MICAL2: variants seen among roughly 807,000 people sequenced by gnomAD.
MICAL2 encodes the protein microtubule associated monooxygenase, calponin and LIM domain containing 2.
Under a neutral mutation model 127.3 loss-of-function variants are expected in MICAL2, and 77 were observed. That is an observed-to-expected ratio of 0.60 (90% confidence interval 0.50 to 0.73). The LOEUF (loss-of-function observed/expected upper bound fraction) is 0.73. Among genes scored for constraint, MICAL2 ranks in the 30% least tolerant of loss-of-function variants. The pLI is 0.00. For synonymous variants in MICAL2, 570 were observed against 551.1 expected, an observed-to-expected ratio of 1.03 and a Z score of -0.48; for missense variants, 1,351 against 1,434.4, an observed-to-expected ratio of 0.94 and a Z score of 0.94.
chr11:12,349,846 ACACAGGATGAAG>A, exon 33 of MICAL2: 1 of 1,614,126 alleles, frequency 6.2e-7, no homozygotes, highest in Non-Finnish European at 8.5e-7. Flanking sequence ...AGATTCAGGC[ACACAGGATGAAG>A]CACAGCTTTT....
intron 32 of MICAL2, among the ~76,000 whole-genome samples, chr11:12,341,161 C>T (rs935766031): frequency 4.6e-5 from 7 of 152,092 alleles, no homozygotes; most frequent in South Asian, 2.1e-4. Flanking sequence ...AGACAGGGAC[C>T]GAAACCCAGC....
intron 13 of MICAL2, among the ~76,000 whole-genome samples, chr11:12,225,327 G>A (rs1405907951): frequency 6.6e-6 from 1 of 152,204 alleles, no homozygotes; most frequent in East Asian, 1.9e-4. Context: ...GGTTATGTTT[G>A]AGGAAACACT....
intron 31 of MICAL2, among the ~76,000 whole-genome samples, chr11:12,326,114 A>G (rs1864350937): frequency 6.6e-6 from 1 of 152,072 alleles, no homozygotes; most frequent in Non-Finnish European, 1.5e-5. Context: ...CCAGGATTGG[A>G]GGGGCCTCGG....
chr11:12,260,104 G>A (rs900856631), intron 26 of MICAL2: 10 of 1,536,178 alleles, frequency 6.5e-6, no homozygotes, highest in Non-Finnish European at 7.8e-6. Context: ...CATGTACAGG[G>A]AATCTGAGGG....
intron 3 of MICAL2, among the ~76,000 whole-genome samples, chr11:12,192,170 T>C (rs1439253311): frequency 9.3e-6 from 1 of 107,804 alleles, no homozygotes; most frequent in African/African-American, 3.8e-5. Flanking sequence ...TGGCCCTTTA[T>C]AGAAAAAAAT....
intron 3 of MICAL2, among the ~76,000 whole-genome samples, chr11:12,168,198 TAC>T (rs1413877990): frequency 2.1e-5 from 3 of 145,276 alleles, no homozygotes; most frequent in Non-Finnish European, 3.0e-5. Flanking sequence ...TACATACACA[TAC>T]AGTTAGTCAC....
At chr11:12,134,192 GC>G (rs1851652922) in intron 1 of MICAL2, among the ~76,000 whole-genome samples, 1 of 152,192 alleles carries the variant, frequency 6.6e-6, no homozygotes, top group Non-Finnish European at 1.5e-5. Context: ...GACCACCAGT[GC>G]ATGGCACATT....
chr11:12,312,032 A>AT (rs1477884420), intron 29 of MICAL2, among the ~76,000 whole-genome samples: 3 of 151,176 alleles, frequency 2.0e-5, no homozygotes, highest in Non-Finnish European at 3.0e-5. Flanking sequence ...ATAAAAACAA[A>AT]TTTTTAAAAT....
intron 2 of MICAL2, among the ~76,000 whole-genome samples, chr11:12,156,638 G>A (rs1273497611): frequency 1.3e-5 from 2 of 152,204 alleles, no homozygotes; most frequent in African/African-American, 2.4e-5. Context: ...TGCCCTGGTA[G>A]GTGGAAAGCC....
chr11:12,220,331 A>G lies in MICAL2; in HGVS notation c.1079A>G (p.His360Arg), dbSNP rs1856670649. Residue 360 changes from histidine to arginine, a missense_variant, in exon 9 of 28, where the codon CAC becomes CGC. Coordinates refer to ENST00000683283, the MANE Select transcript of MICAL2 (RefSeq NM_001282663.2). ...CCATCCTTAGACTTTGCCATGAACC[A>G]CTATGGGCAGCCTGATGTGGCCATG... ...QLPSLDFAMN[H>R]YGQPDVAMFD... The G allele has an allele frequency of 1.9e-6, 3 of 1,614,068 alleles. No homozygotes were observed. The highest frequency in any genetic ancestry group is 2.5e-6 in the Non-Finnish European group (3 of 1,180,020).
downstream of MICAL2, among the ~76,000 whole-genome samples, chr11:12,267,742 C>T (rs1863626047): frequency 6.6e-6 from 1 of 152,208 alleles, no homozygotes; most frequent in South Asian, 2.1e-4. Flanking sequence ...GCTGAGACTA[C>T]AGGCACCCGC....
chr11:12,222,805 G>T, intron 11 of MICAL2, 62 bp downstream of exon 11: 2 of 1,594,132 alleles, frequency 1.3e-6, no homozygotes, highest in Non-Finnish European at 1.7e-6. Flanking sequence ...AAGAGGTGGT[G>T]GGGAGGGGGT....
At chr11:12,326,983 G>A (rs1864360192) in intron 31 of MICAL2, among the ~76,000 whole-genome samples, 1 of 152,192 alleles carries the variant, frequency 6.6e-6, no homozygotes, top group African/African-American at 2.4e-5. Flanking sequence ...CTTGCTTTAT[G>A]TTGCATGCTA....
intron 15 of MICAL2, among the ~76,000 whole-genome samples, chr11:12,230,900 G>GAAA (rs1858169848): frequency 6.6e-6 from 1 of 152,196 alleles, no homozygotes; most frequent in African/African-American, 2.4e-5. Context: ...CCCATGCCTG[G>GAAA]AAAGAGGAGA....
In MICAL2 at chr11:12,180,060, C is replaced by T. The variant is rs564671509; in HGVS notation, c.264+17641C>T. 7.2e-5 allele frequency among the ~76,000 whole-genome samples: 11 copies of T among 152,318 alleles called. No individual in the cohort carries two copies. In the South Asian group the frequency reaches 2.3e-3, roughly 32 times the overall value. On this transcript the variant is annotated intron_variant, in intron 3 of 27. Transcript: ENST00000683283. The stretch of plus-strand genomic sequence containing the variant: ...CCATATCTTCACCTTCCCCTTATCC[C>T]CTAACACACTGAAATCAGGGTTCAT...
chr11:12,151,616 A>AC (rs1440296913), intron 2 of MICAL2, among the ~76,000 whole-genome samples: 1 of 152,206 alleles, frequency 6.6e-6, no homozygotes, highest in Non-Finnish European at 1.5e-5. Context: ...CATCCAGGGG[A>AC]CTGGGTCCCT....
At chr11:12,186,099 G>A (rs902044145) in intron 3 of MICAL2, among the ~76,000 whole-genome samples, 18 of 152,210 alleles carry the variant, frequency 1.2e-4, no homozygotes, top group African/African-American at 4.1e-4. Context: ...GAGGTCTTCC[G>A]TTACAGGATT....
At chr11:12,184,230 G>C (rs1341845773) in intron 3 of MICAL2, among the ~76,000 whole-genome samples, 1 of 152,254 alleles carries the variant, frequency 6.6e-6, no homozygotes, top group African/African-American at 2.4e-5. Flanking sequence ...CCGGCATAGA[G>C]GAAGATGATT....
At chr11:12,205,155 C>T (rs2134133363) in intron 4 of MICAL2, among the ~76,000 whole-genome samples, 1 of 152,304 alleles carries the variant, frequency 6.6e-6, no homozygotes, top group South Asian at 2.1e-4. Flanking sequence ...TCCTGGGCAT[C>T]CCTGAATGCT....
Sources: gnomAD v4.1 joint callset for allele counts (sites outside exome capture counted in the v4.1 genomes callset) on GRCh38, gnomAD v4.1.1 for gene constraint, MANE v1.5 for transcripts, NCBI Gene and HGNC (gene_info 2026-07-23, HGNC 2026-07-21) for gene names.